Variants in VAV3 observed in about 807,000 individuals in gnomAD.
VAV3 encodes guanine nucleotide exchange factor VAV3.
VAV3 carries 94 observed loss-of-function variants against 131.2 expected under a neutral mutation model. The observed-to-expected ratio is 0.72, with a 90% CI of 0.61 to 0.85. VAV3 has a LOEUF of 0.85. Ranked by LOEUF, VAV3 falls within the 40% of genes least tolerant of loss-of-function variation. The probability of loss-of-function intolerance (pLI) is 0.00; values close to 1 mark genes in which losing one functional copy is unlikely to be tolerated. For missense variants in VAV3, 939 were observed against 1,002.7 expected (o/e 0.94, Z 0.86); for synonymous variants, 349 against 342.0 (o/e 1.02, Z -0.22).
intron 15 of VAV3, among the ~76,000 whole-genome samples, chr1:107,709,869 C>A (rs1456206814): frequency 2.0e-5 from 3 of 152,294 alleles, no homozygotes; most frequent in South Asian, 2.1e-4. Flanking sequence ...TCAATTAAAT[C>A]TCTTTTTTAA....
At chr1:107,762,061 C>T (rs1046310769) in intron 9 of VAV3, among the ~76,000 whole-genome samples, 3 of 149,288 alleles carry the variant, frequency 2.0e-5, no homozygotes, top group African/African-American at 4.9e-5. Flanking sequence ...GCGGTGTGAC[C>T]TTGGACAAGT....
At chr1:107,890,830 T>C (rs968924468) in intron 1 of VAV3, among the ~76,000 whole-genome samples, 6 of 152,254 alleles carry the variant, frequency 3.9e-5, no homozygotes, top group African/African-American at 1.4e-4. Context: ...TTTCAGATCA[T>C]ACAACTTCCT....
chr1:107,658,971 A>G (rs1460220783), intron 19 of VAV3, among the ~76,000 whole-genome samples: 1 of 152,058 alleles, frequency 6.6e-6, no homozygotes, highest in African/African-American at 2.4e-5. Context: ...CCATTTGTCA[A>G]TTTTGGCTTT....
At chr1:107,911,789 C>T (rs1204008234) in intron 1 of VAV3, among the ~76,000 whole-genome samples, 2 of 152,168 alleles carry the variant, frequency 1.3e-5, no homozygotes, top group African/African-American at 4.8e-5. Flanking sequence ...AATGAGAGTT[C>T]GTATCAGCCT....
At chr1:107,578,307 T>C (rs1649794133) in intron 25 of VAV3, among the ~76,000 whole-genome samples, 1 of 152,224 alleles carries the variant, frequency 6.6e-6, no homozygotes, top group Non-Finnish European at 1.5e-5. Flanking sequence ...CATTCTGCAG[T>C]ACATTTTTTA....
chr1:107,645,531 G>A lies in VAV3; in HGVS notation c.1778-2776C>T, dbSNP rs1007432451. On this transcript the variant is annotated intron_variant, in intron 19 of 26. Coordinates refer to ENST00000370056, the MANE Select transcript of VAV3 (RefSeq NM_006113.5). Reference sequence around the variant, plus strand: ...TAGTAGGTGTTCTACAATACAGGTGGGATAAATGGTTGCTATCCAAAATGC... The same window carrying A: ...TAGTAGGTGTTCTACAATACAGGTGAGATAAATGGTTGCTATCCAAAATGC... Among the ~76,000 whole-genome samples the A allele has an allele frequency of 4.6e-5, 7 of 151,910 alleles. No homozygotes were observed. The East Asian group carries it at 5.8e-4, about 13-fold the overall frequency.
chr1:107,857,579 T>G (rs1291932092), intron 2 of VAV3, among the ~76,000 whole-genome samples: 3 of 152,220 alleles, frequency 2.0e-5, no homozygotes, highest in Non-Finnish European at 4.4e-5. Flanking sequence ...CCATTTCAAC[T>G]CTTTTCAATT....
chr1:107,957,068 T>C (rs553497859), intron 1 of VAV3, among the ~76,000 whole-genome samples: 3 of 152,222 alleles, frequency 2.0e-5, no homozygotes, highest in Admixed American at 1.3e-4. Context: ...TGCATGAAAC[T>C]GAGAAGAGAG....
At chr1:107,664,683 A>T (rs564274332) in intron 19 of VAV3, among the ~76,000 whole-genome samples, 2 of 152,278 alleles carry the variant, frequency 1.3e-5, no homozygotes, top group South Asian at 4.2e-4. Flanking sequence ...AGATTGCAGA[A>T]AGTAGATGTG....
At chr1:107,622,779 T>C (rs1029830884) in intron 20 of VAV3, among the ~76,000 whole-genome samples, 1 of 152,190 alleles carries the variant, frequency 6.6e-6, no homozygotes, top group Non-Finnish European at 1.5e-5. Flanking sequence ...CACTTCCCGC[T>C]GTCAGAAATA....
At chr1:107,817,012 C>A (rs1407425641) in intron 2 of VAV3, among the ~76,000 whole-genome samples, 2 of 152,214 alleles carry the variant, frequency 1.3e-5, no homozygotes, top group Admixed American at 1.3e-4. Context: ...CAAGCACCCA[C>A]AACAGTGTTC....
At chr1:107,770,282 T>G (rs989480955) in intron 6 of VAV3, among the ~76,000 whole-genome samples, 1 of 150,836 alleles carries the variant, frequency 6.6e-6, no homozygotes, top group African/African-American at 2.4e-5. Flanking sequence ...CCACCAGCCC[T>G]CCCCCCCCAT....
At chr1:107,895,962 A>G (rs1236537801) in intron 1 of VAV3, among the ~76,000 whole-genome samples, 1 of 152,202 alleles carries the variant, frequency 6.6e-6, no homozygotes, top group African/African-American at 2.4e-5. Flanking sequence ...AAAGTGCTCA[A>G]TGAAGTGGCA....
chr1:107,831,803 T>C (rs1388480332), intron 2 of VAV3, among the ~76,000 whole-genome samples: 1 of 152,216 alleles, frequency 6.6e-6, no homozygotes, highest in Admixed American at 6.5e-5. Context: ...TTTACATTCG[T>C]TTTAGACATA....
chr1:107,862,138 G>GC (rs1669768628), intron 2 of VAV3, among the ~76,000 whole-genome samples: 1 of 151,552 alleles, frequency 6.6e-6, no homozygotes, highest in Non-Finnish European at 1.5e-5. Flanking sequence ...GTTCTCCAAA[G>GC]ACACAGGTGC....
chr1:107,673,542 T>C (rs1475694750), intron 19 of VAV3: 3 of 152,224 alleles, frequency 2.0e-5, no homozygotes, highest in Non-Finnish European at 4.4e-5. Flanking sequence ...TCTATGCCTC[T>C]TTTAAGTATA....
chr1:107,609,829 C>T, intron 22 of VAV3, 102 bp downstream of exon 22: 2 of 1,213,718 alleles, frequency 1.6e-6, no homozygotes, highest in East Asian at 2.3e-5. Context: ...TTAGCCGAGA[C>T]AAATGGAAAT....
intron 17 of VAV3, among the ~76,000 whole-genome samples, chr1:107,692,641 A>G (rs891543464): frequency 6.6e-6 from 1 of 152,182 alleles, no homozygotes; most frequent in African/African-American, 2.4e-5. Flanking sequence ...TCAGATACCA[A>G]TGTGGGTGCA....
rs76614740 is a variant in VAV3 at position 107,924,755 on chromosome 1, A to C, written c.204+39911T>G. On this transcript the variant is annotated intron_variant, in intron 1 of 26. Coordinates refer to ENST00000370056, the MANE Select transcript of VAV3 (RefSeq NM_006113.5). The stretch of plus-strand genomic sequence containing the variant: ...GTTTCTTTACAGACACCATTGGGGG[A>C]AAAAAAACTGTGACCATATGTTCCC... Among the ~76,000 whole-genome samples the C allele has an allele frequency of 2.6e-5, 4 of 152,068 alleles. No individual in the cohort carries two copies. In the East Asian group the frequency reaches 7.7e-4, roughly 29 times the overall value.
Sources: gnomAD v4.1 joint callset for allele counts (sites outside exome capture counted in the v4.1 genomes callset) on GRCh38, gnomAD v4.1.1 for gene constraint, MANE v1.5 for transcripts, NCBI Gene and HGNC (gene_info 2026-07-23, HGNC 2026-07-21) for gene names.